The following LRP1 variants were observed in gnomAD, a reference collection of about 807,000 sequenced individuals.
The protein encoded by LRP1 is LDL receptor related protein 1.
Under a neutral mutation model 541.5 loss-of-function variants are expected in LRP1, and 51 were observed. The ratio of observed to expected loss-of-function variants is 0.09; its 90% confidence interval spans 0.08 to 0.12. The LOEUF (loss-of-function observed/expected upper bound fraction) is 0.12, where lower values mean the gene tolerates loss of function less well. LRP1 is among the 10% of genes least tolerant of loss of function. The pLI is 1.00. For missense variants in LRP1, 3,878 were observed against 6,376.2 expected (o/e 0.61, Z 13.34); for synonymous variants, 2,219 against 2,470.8 (o/e 0.90, Z 3.02).
Position 57,197,604 on chromosome 12 carries a change from A to G in LRP1, c.9222A>G (p.Thr3074=), listed in dbSNP as rs775014736. The change falls in exon 58 of 89, where the codon ACA becomes ACG. Residue 3074 remains threonine (T), a synonymous_variant. Coordinates refer to ENST00000243077, the MANE Select transcript of LRP1 (RefSeq NM_002332.3). The surrounding 1 kb of genome is among the most constrained non-coding windows in gnomAD (Gnocchi z 4.5). ...FDYREQMIYW[T]DVTTQGSMIR... is the part of the protein sequence containing the mutation. The stretch of plus-strand genomic sequence containing the variant: ...ACCGAGAGCAGATGATCTACTGGAC[A>G]GATGTGACCACCCAGGGCAGCATGA... 1.2e-5 allele frequency: 20 copies of G among 1,613,926 alleles called. No individual in the cohort carries two copies. Among genetic ancestry groups the G allele is most frequent in the Non-Finnish European group, 2.5e-6 (3 of 1,180,026 alleles).
chr12:57,150,481 G>A (rs2035506602), intron 6 of LRP1, among the ~76,000 whole-genome samples: 1 of 152,172 alleles, frequency 6.6e-6, no homozygotes, highest in African/African-American at 2.4e-5. Context: ...GTGAGCCACT[G>A]AGCCTGGCCT....
intron 55 of LRP1, 89 bp from the exon 56 acceptor site, chr12:57,196,893 A>C: frequency 5.3e-6 from 6 of 1,139,704 alleles, no homozygotes; most frequent in Non-Finnish European, 7.5e-6. Context: ...GAGGCCGGGT[A>C]GAGGGAATTG....
chr12:57,148,519 G>T (rs1050224886), intron 6 of LRP1, among the ~76,000 whole-genome samples: 1 of 152,080 alleles, frequency 6.6e-6, no homozygotes, highest in African/African-American at 2.4e-5. Flanking sequence ...CCAGCCTCCT[G>T]CCAGGCTGCC....
In LRP1 at chr12:57,175,586, G is replaced by A. The variant is rs2036027555; in HGVS notation, c.3674G>A (p.Ser1225Asn). The stretch of plus-strand genomic sequence containing the variant: ...GACAACCACACCTGCCAGATCCAGA[G>A]CTACTGTGCCAAGCATCTCAAATGC... ...GPDNHTCQIQ[S>N]YCAKHLKCSQ... The change falls in exon 23 of 89, where the codon AGC becomes AAC. Residue 1225 changes from serine (S) to asparagine (N), a missense_variant. Physicochemically the swap from Ser to Asn is conservative, Grantham distance 46. Transcript: ENST00000243077. 1.2e-6 allele frequency: 2 copies of A among 1,613,966 alleles called. No homozygotes were observed. The highest frequency in any genetic ancestry group is 1.3e-5 in the African/African-American group (1 of 74,946).
At position 57,181,272 on chromosome 12, in the gene LRP1, T is replaced by C; in HGVS notation, c.5643T>C (p.Ser1881=). 7 of 1,612,826 alleles carry C rather than the reference T, an allele frequency of 4.3e-6. No individual in the cohort carries two copies. Among genetic ancestry groups the C allele is most frequent in the Non-Finnish European group, 5.9e-6 (7 of 1,179,788 alleles). Residue 1881 remains serine, a synonymous_variant, in exon 34 of 89, where the codon AGT becomes AGC. Coordinates refer to ENST00000243077, the MANE Select transcript of LRP1 (RefSeq NM_002332.3). ...CMCTAGYSLR[S]GQQACEGVGS... ...GCACAGCCGGCTATAGCCTCCGGAG[T>C]GGCCAGCAGGCCTGCGAGGGTCAGT...
intron 63 of LRP1, 32 bp from the exon 64 acceptor site, chr12:57,200,667 C>A (rs2036630881): frequency 1.3e-6 from 2 of 1,593,656 alleles, no homozygotes; most frequent in Non-Finnish European, 1.7e-6. Context: ...TCCACCCCAG[C>A]CGCTCTGACT....
chr12:57,204,847 A>G lies in LRP1; in HGVS notation c.11194+98A>G. ...AGCTGCACTGGGGTTAGGGTTAACC[A>G]GGAGGACTCGCCCAGGAAGGGGAGG... On this transcript the variant is annotated intron_variant, in intron 72 of 88. Transcript: ENST00000243077. This position sits in a 1 kb window ranked among gnomAD's most constrained non-coding sequence, Gnocchi z 5.3. The G allele has an allele frequency of 6.5e-7, 1 of 1,544,824 alleles. No homozygotes were observed. Among genetic ancestry groups the G allele is most frequent in the Non-Finnish European group, 8.8e-7 (1 of 1,135,774 alleles).
intron 44 of LRP1, among the ~76,000 whole-genome samples, chr12:57,191,943 A>T (rs1033420480): frequency 2.4e-4 from 1 of 4,230 alleles, no homozygotes. Flanking sequence ...CACACACACC[A>T]CATACACACA....
rs764738064 is a variant in LRP1 at position 57,183,409 on chromosome 12, A to C, written c.5693A>C (p.His1898Pro). Residue 1898 changes from histidine (H) to proline (P), a missense_variant, in exon 35 of 89, where the codon CAT becomes CCT. His to Pro is a moderately conservative substitution (Grantham distance 77). This residue lies in a region of LRP1 where 394 missense variants were observed against 635.9 expected (regional missense o/e 0.62). Coordinates refer to ENST00000243077, the MANE Select transcript of LRP1 (RefSeq NM_002332.3). The surrounding 1 kb of genome is among the most constrained non-coding windows in gnomAD (Gnocchi z 6.1). ...GGTTCCTTTCTCCTGTACTCTGTGCATGAGGGAATCAGGGGAATTCCCCTG... is the reference window on the plus strand; with the variant it reads ...GGTTCCTTTCTCCTGTACTCTGTGCCTGAGGGAATCAGGGGAATTCCCCTG... Reference protein sequence around the residue: ...GVGSFLLYSVHEGIRGIPLDP... With the variant: ...GVGSFLLYSVPEGIRGIPLDP... 1 of 1,614,044 alleles carries C rather than the reference A, an allele frequency of 6.2e-7. No homozygotes were observed. Among genetic ancestry groups the C allele is most frequent in the Non-Finnish European group, 8.5e-7 (1 of 1,179,870 alleles).
Position 57,178,706 on chromosome 12 carries a change from T to C in LRP1, c.4606+103T>C. The stretch of plus-strand genomic sequence containing the variant: ...AGAGGGCAGTGAGAACAGGAGCAAG[T>C]CTGTGCTGGGATGGCAGGGGTAGGC... On this transcript the variant is annotated intron_variant, in intron 27 of 88. Coordinates refer to ENST00000243077, the MANE Select transcript of LRP1 (RefSeq NM_002332.3). This position sits in a 1 kb window ranked among gnomAD's most constrained non-coding sequence, Gnocchi z 5.8. 1.9e-6 allele frequency: 3 copies of C among 1,563,384 alleles called. No homozygotes were observed. The highest frequency in any genetic ancestry group is 2.4e-5 in the South Asian group (2 of 83,852).
At chr12:57,163,076 A>G (rs1348956484) in intron 15 of LRP1, 93 bp downstream of exon 15, 10 of 1,467,562 alleles carry the variant, frequency 6.8e-6, no homozygotes, top group Non-Finnish European at 9.0e-6. Flanking sequence ...TCCCAGTCAG[A>G]GATTAAGGAG....
rs1165685117 is a variant in LRP1, at chr12:57,189,893, G to T, written c.7032-912G>T. Among the ~76,000 whole-genome samples, 2 of 152,114 alleles carry T rather than the reference G, an allele frequency of 1.3e-5. No homozygotes were observed. Among genetic ancestry groups the T allele is most frequent in the Non-Finnish European group, 2.9e-5 (2 of 68,010 alleles). On this transcript the variant is annotated intron_variant, in intron 42 of 88. Coordinates refer to ENST00000243077, the MANE Select transcript of LRP1 (RefSeq NM_002332.3). The surrounding 1 kb of genome is among the most constrained non-coding windows in gnomAD (Gnocchi z 4.4). ...CAAGCTCTGGGACCGAGGACCCAGG[G>T]CTCACCATCCAATGCCGGTGGTCCA...
At chr12:57,171,927 T>C (rs2035950481) in intron 20 of LRP1, among the ~76,000 whole-genome samples, 1 of 152,128 alleles carries the variant, frequency 6.6e-6, no homozygotes, top group Non-Finnish European at 1.5e-5. Context: ...CAGCCTGTAC[T>C]GGCTCCCTGC....
At chr12:57,181,391 C>A in intron 34 of LRP1, 100 bp downstream of exon 34, 1 of 1,428,830 alleles carries the variant, frequency 7.0e-7, no homozygotes, top group Non-Finnish European at 9.4e-7. Context: ...GGGGACAAGA[C>A]TACATTCGTC....
At position 57,204,517 on chromosome 12, in the gene LRP1, C is replaced by G. The variant is rs1346472476; in HGVS notation, c.11059C>G (p.Pro3687Ala). ...CTGTGGGGACAACTCAGATGAGAAC[C>G]CCGAGGAGTGTGGTGAGATTTGGGG... ...DDCGDNSDEN[P>A]EECARFVCPP... Residue 3687 changes from proline to alanine, a missense_variant, in exon 71 of 89, where the codon CCC (proline) becomes GCC (alanine). This residue lies in a region of LRP1 where 871 missense variants were observed against 1,212.4 expected (regional missense o/e 0.72). Transcript: ENST00000243077. The surrounding 1 kb of genome is among the most constrained non-coding windows in gnomAD (Gnocchi z 5.3). The G allele has an allele frequency of 1.2e-6, 2 of 1,601,504 alleles. No homozygotes were observed. The highest frequency in any genetic ancestry group is 1.7e-6 in the Non-Finnish European group (2 of 1,171,952).
intron 50 of LRP1, 70 bp from the exon 51 acceptor site, chr12:57,194,915 A>T: frequency 4.5e-6 from 6 of 1,330,138 alleles, no homozygotes; most frequent in Non-Finnish European, 6.5e-6. Flanking sequence ...TGTCCTTCCC[A>T]TGGCATCAGC....
intron 47 of LRP1, 43 bp from the exon 48 acceptor site, chr12:57,193,856 G>A (rs769462979): frequency 4.4e-6 from 7 of 1,602,248 alleles, no homozygotes; most frequent in East Asian, 4.5e-5. Context: ...GGCCCCCACA[G>A]AGAAAACTCT....
At chr12:57,151,879 G>T (rs536755871) in intron 6 of LRP1, among the ~76,000 whole-genome samples, 105 of 152,294 alleles carry the variant, frequency 6.9e-4, no homozygotes, top group African/African-American at 2.5e-3. Flanking sequence ...ATAATGTGGT[G>T]CAGGGGGTTG....
chr12:57,149,638 C>A (rs1260907400), intron 6 of LRP1: 1 of 713,440 alleles, frequency 1.4e-6, no homozygotes, highest in Admixed American at 2.0e-5. Flanking sequence ...CTAAGCCAGG[C>A]AGGGGAAGGT....
Sources: gnomAD v4.1 joint callset for allele counts (sites outside exome capture counted in the v4.1 genomes callset) on GRCh38, gnomAD v4.1.1 for gene constraint, gnomAD v4.1.1 regional missense constraint, Gnocchi (gnomAD v3.1) non-coding constraint, MANE v1.5 for transcripts, NCBI Gene and HGNC (gene_info 2026-07-23, HGNC 2026-07-21) for gene names.